SLC24A3: variants seen among roughly 807,000 people sequenced by gnomAD.
SLC24A3 encodes solute carrier family 24 member 3, also known as sodium/potassium/calcium exchanger 3.
SLC24A3 carries 28 observed loss-of-function variants against 75.8 expected under a neutral mutation model. The ratio of observed to expected loss-of-function variants is 0.37; its 90% CI spans 0.27 to 0.51. The LOEUF is 0.51. SLC24A3 is among the 20% of genes least tolerant of loss of function. The probability of loss-of-function intolerance (pLI) is 0.94; values close to 1 mark genes in which losing one functional copy is unlikely to be tolerated. For synonymous variants in SLC24A3, 372 were observed against 334.1 expected (o/e 1.11, Z -1.24); for missense variants, 663 against 847.8 (o/e 0.78, Z 2.71).
At chr20:19,617,640 T>A (rs1375214460) in intron 6 of SLC24A3, among the ~76,000 whole-genome samples, 1 of 152,216 alleles carries the variant, frequency 6.6e-6, no homozygotes, top group Non-Finnish European at 1.5e-5. Flanking sequence ...GGAGGGCGGC[T>A]TGGGCTTTCT....
intron 2 of SLC24A3, among the ~76,000 whole-genome samples, chr20:19,390,614 G>A (rs1986349672): frequency 6.6e-6 from 1 of 152,166 alleles, no homozygotes; most frequent in Non-Finnish European, 1.5e-5. Flanking sequence ...TGCTGAGTTT[G>A]CTGGACCATG....
chr20:19,239,001 G>A (rs952487015), intron 1 of SLC24A3, among the ~76,000 whole-genome samples: 5 of 150,754 alleles, frequency 3.3e-5, no homozygotes, highest in South Asian at 2.1e-4. Context: ...TGCCAAATTC[G>A]TGGGAGGACC....
intron 2 of SLC24A3, among the ~76,000 whole-genome samples, chr20:19,453,759 G>C (rs3790215): frequency 0.18 from 28,087 of 152,060 alleles, 6,189 homozygotes; most frequent in African/African-American, 0.51. Context: ...CTAGCATGGT[G>C]TCACCCCCAT....
In SLC24A3 at chr20:19,681,947, A is replaced by G. The variant is rs2032620373; in HGVS notation, c.857A>G (p.Asp286Gly). Residue 286 changes from aspartate to glycine, a missense_variant, in exon 10 of 17, where the codon GAT becomes GGT. Transcript: ENST00000328041. Reference sequence around the variant, plus strand: ...GGATTGGCCAACAATGCTGAAATTGATGACAGCAGCAACTGCGACGCAACT... The same window carrying G: ...GGATTGGCCAACAATGCTGAAATTGGTGACAGCAGCAACTGCGACGCAACT... ...VNGLANNAEI[D>G]DSSNCDATVV... 3.1e-6 allele frequency: 5 copies of G among 1,614,236 alleles called. No homozygotes were observed. The highest frequency in any genetic ancestry group is 4.2e-6 in the Non-Finnish European group (5 of 1,180,042).
At chr20:19,634,621 T>C (rs541879621) in intron 6 of SLC24A3, among the ~76,000 whole-genome samples, 1 of 152,050 alleles carries the variant, frequency 6.6e-6, no homozygotes, top group African/African-American at 2.4e-5. Context: ...AGCTCAAAAA[T>C]ATGCTGAGTG....
intron 6 of SLC24A3, among the ~76,000 whole-genome samples, chr20:19,623,023 A>G (rs2031823600): frequency 6.6e-6 from 1 of 152,140 alleles, no homozygotes; most frequent in Non-Finnish European, 1.5e-5. Context: ...CTATGACCCA[A>G]ACACCTCCCA....
At position 19,221,111 on chromosome 20, in the gene SLC24A3, G is replaced by A. The variant is rs899214259; in HGVS notation, c.142+8127G>A. Among the ~76,000 whole-genome samples the A allele has an allele frequency of 1.9e-4, 29 of 152,190 alleles. 1 individual carries two copies. The highest frequency in any genetic ancestry group is 3.7e-4 in the Non-Finnish European group (25 of 68,038). ...ATCTTGCTGTTGCCTAGGCTGGAGT[G>A]TAGTAGCATGAACATAGCTCACTGC... On this transcript the variant is annotated intron_variant, in intron 1 of 16. Coordinates refer to ENST00000328041, the MANE Select transcript of SLC24A3 (RefSeq NM_020689.4).
At chr20:19,616,170 G>A (rs907969911) in intron 6 of SLC24A3, among the ~76,000 whole-genome samples, 9 of 152,214 alleles carry the variant, frequency 5.9e-5, no homozygotes, top group African/African-American at 2.2e-4. Flanking sequence ...GGTTCATCCT[G>A]GAACCAAACT....
At chr20:19,443,386 T>C (rs1987327158) in intron 2 of SLC24A3, among the ~76,000 whole-genome samples, 1 of 149,716 alleles carries the variant, frequency 6.7e-6, no homozygotes, top group African/African-American at 2.6e-5. Context: ...ATACAGATCT[T>C]ATACATAGTT....
chr20:19,430,966 G>C (rs751195256), intron 2 of SLC24A3, among the ~76,000 whole-genome samples: 1 of 137,434 alleles, frequency 7.3e-6, no homozygotes, highest in Non-Finnish European at 1.5e-5. Context: ...TCTGCACAAG[G>C]TCATGTCCTC....
chr20:19,293,097 T>A (rs1035608371), intron 2 of SLC24A3, among the ~76,000 whole-genome samples: 1 of 152,082 alleles, frequency 6.6e-6, no homozygotes, highest in African/African-American at 2.4e-5. Flanking sequence ...CACCCTTGCA[T>A]CCGTAGGACC....
At chr20:19,397,909 A>G (rs1986485292) in intron 2 of SLC24A3, among the ~76,000 whole-genome samples, 1 of 152,158 alleles carries the variant, frequency 6.6e-6, no homozygotes, top group African/African-American at 2.4e-5. Flanking sequence ...GAGAAAGCTG[A>G]CTATTCGTCT....
chr20:19,231,330 C>T (rs745636113), intron 1 of SLC24A3, among the ~76,000 whole-genome samples: 12 of 152,130 alleles, frequency 7.9e-5, no homozygotes, highest in East Asian at 1.9e-4. Flanking sequence ...TGTTATGTTA[C>T]GTGGCAAGGA....
At chr20:19,649,267 C>CCACTTAT (rs1438656274) in intron 6 of SLC24A3, among the ~76,000 whole-genome samples, 2 of 152,174 alleles carry the variant, frequency 1.3e-5, no homozygotes, top group Non-Finnish European at 2.9e-5. Flanking sequence ...GATAAGTGAT[C>CCACTTAT]CTTCACTGAG....
chr20:19,678,132 T>C (rs6046239), intron 9 of SLC24A3, among the ~76,000 whole-genome samples: 126,255 of 147,888 alleles, frequency 0.85, 54,073 homozygotes, highest in Non-Finnish European at 0.89. Context: ...CGGCAACCAT[T>C]CGATTTCTCA....
At chr20:19,472,818 A>G (rs763348211) in intron 2 of SLC24A3, among the ~76,000 whole-genome samples, 38 of 152,254 alleles carry the variant, frequency 2.5e-4, no homozygotes, top group Admixed American at 1.3e-3. Context: ...CCCATTTTCA[A>G]TCATCCACGT....
At chr20:19,482,652 A>G (rs1988073767) in intron 2 of SLC24A3, among the ~76,000 whole-genome samples, 1 of 152,242 alleles carries the variant, frequency 6.6e-6, no homozygotes, top group Admixed American at 6.5e-5. Context: ...GATTCAATGA[A>G]TGGAGCAAGC....
chr20:19,679,700 C>A (rs1178104403), intron 9 of SLC24A3, among the ~76,000 whole-genome samples: 3 of 152,182 alleles, frequency 2.0e-5, no homozygotes, highest in Non-Finnish European at 2.9e-5. Context: ...TCCTTAATAT[C>A]ATAAAATACC....
At chr20:19,647,307 A>G (rs531322871) in intron 6 of SLC24A3, among the ~76,000 whole-genome samples, 1 of 152,168 alleles carries the variant, frequency 6.6e-6, no homozygotes, top group Non-Finnish European at 1.5e-5. Flanking sequence ...ACCTCCCAAG[A>G]TAAACTATTT....
Sources: gnomAD v4.1 joint callset for allele counts (sites outside exome capture counted in the v4.1 genomes callset) on GRCh38, gnomAD v4.1.1 for gene constraint, MANE v1.5 for transcripts, NCBI Gene and HGNC (gene_info 2026-07-23, HGNC 2026-07-21) for gene names.